The following IQCM variants were observed in gnomAD, a reference collection of about 807,000 sequenced individuals.
IQCM encodes the protein IQ domain-containing protein M.
IQCM carries 45 observed loss-of-function variants against 57.6 expected under a neutral mutation model. The ratio of observed to expected loss-of-function variants is 0.78; its 90% CI spans 0.62 to 1.00. IQCM has a LOEUF of 1.00. Among genes scored for constraint, IQCM ranks in the 50% least tolerant of loss-of-function variants. The pLI is 0.00. For missense variants in IQCM, 468 were observed against 511.6 expected, an observed-to-expected ratio of 0.91 and a Z score of 0.82; for synonymous variants, 148 against 158.9, an observed-to-expected ratio of 0.93 and a Z score of 0.51.
chr4:149,426,196 C>A (rs1734449499), intron 13 of IQCM, among the ~76,000 whole-genome samples: 1 of 151,964 alleles, frequency 6.6e-6, no homozygotes, highest in Non-Finnish European at 1.5e-5. Flanking sequence ...TTTTAAATAT[C>A]AACCAGTGAC....
chr4:149,363,075 T>C (rs1481068630), intron 13 of IQCM, among the ~76,000 whole-genome samples: 1 of 152,130 alleles, frequency 6.6e-6, no homozygotes, highest in Non-Finnish European at 1.5e-5. Context: ...AGTGAGAAAA[T>C]GAAAGTAACT....
At chr4:149,611,557 T>C (rs1385100300) in intron 8 of IQCM, among the ~76,000 whole-genome samples, 1 of 152,116 alleles carries the variant, frequency 6.6e-6, no homozygotes, top group Non-Finnish European at 1.5e-5. Flanking sequence ...TGGAGGACAT[T>C]ATGTAAAATG....
chr4:149,669,446 A>G (rs902662565), intron 7 of IQCM, among the ~76,000 whole-genome samples: 5 of 152,130 alleles, frequency 3.3e-5, no homozygotes, highest in Admixed American at 3.3e-4. Context: ...CTCTGATGGT[A>G]GTTACTTTTG....
At chr4:149,536,259 T>A (rs186473115) in intron 12 of IQCM, among the ~76,000 whole-genome samples, 1 of 152,092 alleles carries the variant, frequency 6.6e-6, no homozygotes, top group East Asian at 1.9e-4. Flanking sequence ...AACAATAGAA[T>A]CCCATGGGGA....
At chr4:149,487,006 T>A (rs945987125) in intron 12 of IQCM, among the ~76,000 whole-genome samples, 1 of 143,042 alleles carries the variant, frequency 7.0e-6, no homozygotes, top group Non-Finnish European at 1.6e-5. Context: ...ACAGAAAGAG[T>A]CTTTCACCAT....
intron 7 of IQCM, among the ~76,000 whole-genome samples, chr4:149,633,099 T>G (rs1262398243): frequency 2.2e-5 from 3 of 136,168 alleles, no homozygotes; most frequent in African/African-American, 5.6e-5. Flanking sequence ...AAGCGGAGCT[T>G]GCAGTGAGCC....
At chr4:149,743,156 AC>A (rs1241217737) in intron 2 of IQCM, among the ~76,000 whole-genome samples, 1 of 152,166 alleles carries the variant, frequency 6.6e-6, no homozygotes, top group Admixed American at 6.5e-5. Flanking sequence ...TTGCTTTCTT[AC>A]TACTTTCAAC....
At chr4:149,504,610 T>G (rs2149797306) in intron 12 of IQCM, among the ~76,000 whole-genome samples, 1 of 152,246 alleles carries the variant, frequency 6.6e-6, no homozygotes, top group African/African-American at 2.4e-5. Flanking sequence ...ATGAGATTAG[T>G]GCTTTTACAA....
intron 12 of IQCM, among the ~76,000 whole-genome samples, chr4:149,476,257 A>G (rs2149740222): frequency 6.6e-6 from 1 of 152,298 alleles, no homozygotes; most frequent in African/African-American, 2.4e-5. Flanking sequence ...AGGCGTAAAT[A>G]GTTTTTGTAT....
chr4:149,418,732 A>G (rs1329305013), intron 13 of IQCM, among the ~76,000 whole-genome samples: 1 of 152,120 alleles, frequency 6.6e-6, no homozygotes, highest in African/African-American at 2.4e-5. Context: ...GTGATCCTGT[A>G]TCTAGAAAAC....
chr4:149,691,394 G>A (rs1394839518), intron 5 of IQCM, among the ~76,000 whole-genome samples: 1 of 152,100 alleles, frequency 6.6e-6, no homozygotes, highest in East Asian at 1.9e-4. Flanking sequence ...AGTAAAAATT[G>A]CTATGCTAAC....
chr4:149,370,032 A>G (rs565999724), intron 13 of IQCM, among the ~76,000 whole-genome samples: 1 of 152,236 alleles, frequency 6.6e-6, no homozygotes, highest in Admixed American at 6.5e-5. Flanking sequence ...GGTAGCTGGG[A>G]CTACAGGCTG....
At chr4:149,464,631 C>A (rs1032951781) in intron 12 of IQCM, among the ~76,000 whole-genome samples, 1 of 152,162 alleles carries the variant, frequency 6.6e-6, no homozygotes, top group Middle Eastern at 3.4e-3. Flanking sequence ...CTTTTGAGAC[C>A]TTTTGACCTT....
rs116509533 is a variant in IQCM, at chr4:149,746,227, C to T, written c.-48-3488G>A. On this transcript the variant is annotated intron_variant, in intron 2 of 13. Transcript: ENST00000636793. ...AACCCTGAATCATACTTTCACCCTTCCCCATTTCTCTGTCTTAGAAATTGT... is the reference window on the plus strand; with the variant it reads ...AACCCTGAATCATACTTTCACCCTTTCCCATTTCTCTGTCTTAGAAATTGT... Among the ~76,000 whole-genome samples, 979 of 152,256 alleles carry T rather than the reference C, an allele frequency of 6.4e-3. 16 individuals carry two copies. Among genetic ancestry groups the T allele is most frequent in the African/African-American group, 0.021 (890 of 41,540 alleles).
At chr4:149,478,795 T>A (rs1012165412) in intron 12 of IQCM, among the ~76,000 whole-genome samples, 30 of 152,316 alleles carry the variant, frequency 2.0e-4, no homozygotes, top group Admixed American at 2.6e-4. Context: ...TGGAACTCCT[T>A]ACAGCCAAAT....
intron 2 of IQCM, among the ~76,000 whole-genome samples, chr4:149,797,441 G>A (rs1384036064): frequency 6.6e-6 from 1 of 151,964 alleles, no homozygotes; most frequent in Non-Finnish European, 1.5e-5. Flanking sequence ...CCTTAAAAGG[G>A]CAAATCTAAG....
intron 2 of IQCM, among the ~76,000 whole-genome samples, chr4:149,805,933 A>T (rs1439978035): frequency 6.6e-6 from 1 of 151,948 alleles, no homozygotes; most frequent in Non-Finnish European, 1.5e-5. Flanking sequence ...TTTTGATGTT[A>T]ATATGAATTT....
intron 2 of IQCM, among the ~76,000 whole-genome samples, chr4:149,797,108 T>C (rs1773180692): frequency 6.6e-6 from 1 of 152,062 alleles, no homozygotes; most frequent in Non-Finnish European, 1.5e-5. Context: ...CACAGATAGG[T>C]GACCTTTCAG....
At chr4:149,697,566 C>A (rs1763436290) in intron 5 of IQCM, among the ~76,000 whole-genome samples, 1 of 152,058 alleles carries the variant, frequency 6.6e-6, no homozygotes, top group Non-Finnish European at 1.5e-5. Flanking sequence ...CCCTGCAGAA[C>A]AAATTTACCA....
Sources: gnomAD v4.1 joint callset for allele counts (sites outside exome capture counted in the v4.1 genomes callset) on GRCh38, gnomAD v4.1.1 for gene constraint, MANE v1.5 for transcripts, NCBI Gene and HGNC (gene_info 2026-07-23, HGNC 2026-07-21) for gene names.